Variants in KIF5C observed in about 807,000 individuals in gnomAD.
KIF5C encodes the protein kinesin family member 5C.
In KIF5C, 18 loss-of-function variants were observed where a neutral mutation model predicts 125.2. The observed-to-expected ratio is 0.14, with a 90% CI of 0.10 to 0.21. The LOEUF is 0.21. KIF5C is among the 10% of genes least tolerant of loss of function. The pLI is 1.00. For synonymous variants in KIF5C, 405 were observed against 434.0 expected (o/e 0.93, Z 0.83); for missense variants, 780 against 1,183.8 (o/e 0.66, Z 5.01).
chr2:148,998,962 T>A (rs1681766445), intron 19 of KIF5C: 1 of 155,326 alleles, frequency 6.4e-6, no homozygotes, highest in Non-Finnish European at 1.4e-5. Context: ...CCCCTACACA[T>A]ACACGCTCAC....
intron 1 of KIF5C, among the ~76,000 whole-genome samples, chr2:148,882,861 A>G (rs891362405): frequency 6.6e-6 from 1 of 152,174 alleles, no homozygotes; most frequent in African/African-American, 2.4e-5. Flanking sequence ...CTTTCCTCCA[A>G]TTAGGCTGAA....
At chr2:149,012,354 G>A (rs1255652025) in intron 25 of KIF5C, among the ~76,000 whole-genome samples, 15 of 152,346 alleles carry the variant, frequency 9.8e-5, no homozygotes, top group Admixed American at 3.9e-4. Context: ...CTAGTTGGGC[G>A]GGCAGACAGA....
chr2:148,875,368 G>A lies in KIF5C; in HGVS notation c.-250G>A, dbSNP rs912250135. The A allele has an allele frequency of 7.5e-6, 3 of 400,970 alleles. No individual in the cohort carries two copies. The highest frequency in any genetic ancestry group is 4.3e-5 in the East Asian group (1 of 23,514). 24.8% of individuals were successfully genotyped at this position (400,970 alleles called of 1,614,324 possible). On this transcript the variant is annotated 5_prime_UTR_variant, in exon 1 of 26. Coordinates refer to ENST00000435030, the MANE Select transcript of KIF5C (RefSeq NM_004522.3). ...GGTGGGCCGGGGGGCGCTGGGCAGG[G>A]GCGGGGCAGGGCCAGGGCAGGCCGG...
intron 7 of KIF5C, among the ~76,000 whole-genome samples, chr2:148,946,481 G>T (rs965029209): frequency 6.6e-6 from 1 of 152,126 alleles, no homozygotes; most frequent in African/African-American, 2.4e-5. Context: ...TTACTGATAA[G>T]GCAAGGCTTA....
chr2:148,916,139 C>T (rs928852676), intron 1 of KIF5C, among the ~76,000 whole-genome samples: 2 of 152,180 alleles, frequency 1.3e-5, no homozygotes, highest in Admixed American at 6.5e-5. Flanking sequence ...GGAGGTTAGA[C>T]TAGCTTACAT....
At chr2:148,885,005 C>CT (rs1681474677) in intron 1 of KIF5C, among the ~76,000 whole-genome samples, 1 of 142,696 alleles carries the variant, frequency 7.0e-6, no homozygotes, top group African/African-American at 2.6e-5. Flanking sequence ...GATTCTCACT[C>CT]TGTCTCCCAG....
intron 12 of KIF5C, among the ~76,000 whole-genome samples, chr2:148,976,027 C>T (rs963483590): frequency 1.4e-4 from 21 of 152,130 alleles, no homozygotes; most frequent in African/African-American, 3.6e-4. Flanking sequence ...AACAAGTTGG[C>T]GCTGGCACTC....
At chr2:148,978,320 T>A (rs1681132479) in intron 12 of KIF5C, among the ~76,000 whole-genome samples, 1 of 139,600 alleles carries the variant, frequency 7.2e-6, no homozygotes, top group Admixed American at 7.3e-5. Context: ...CTTCTGTCCC[T>A]CAGCTGCCCT....
At chr2:148,971,770 T>C (rs1680918992) in intron 11 of KIF5C, among the ~76,000 whole-genome samples, 1 of 152,208 alleles carries the variant, frequency 6.6e-6, no homozygotes, top group Admixed American at 6.5e-5. Context: ...TTTGTGGTTA[T>C]GCAGTGAGAT....
intron 15 of KIF5C, among the ~76,000 whole-genome samples, chr2:148,988,849 C>G (rs1455962905): frequency 6.6e-6 from 1 of 152,194 alleles, no homozygotes; most frequent in Non-Finnish European, 1.5e-5. Context: ...CAAGGACCTC[C>G]ATGAAGGTAG....
chr2:148,935,379 TA>T (rs1682271075), intron 3 of KIF5C, among the ~76,000 whole-genome samples: 1 of 152,214 alleles, frequency 6.6e-6, no homozygotes, highest in South Asian at 2.1e-4. Context: ...GCTAAAGGAT[TA>T]TCATGAATTA....
chr2:148,883,317 T>C (rs1454464384), intron 1 of KIF5C, among the ~76,000 whole-genome samples: 3 of 152,138 alleles, frequency 2.0e-5, no homozygotes, highest in Admixed American at 1.3e-4. Flanking sequence ...CTGGCTAACA[T>C]GGTGAAACCC....
intron 12 of KIF5C, among the ~76,000 whole-genome samples, chr2:148,976,998 C>A (rs1476931473): frequency 6.6e-6 from 1 of 152,180 alleles, no homozygotes; most frequent in East Asian, 1.9e-4. Flanking sequence ...CGTGCTTATG[C>A]ATGTTCTAAG....
At chr2:148,952,543 T>C (rs905611829) in intron 10 of KIF5C, among the ~76,000 whole-genome samples, 7 of 152,186 alleles carry the variant, frequency 4.6e-5, no homozygotes, top group South Asian at 2.1e-4. Context: ...ATACCATACC[T>C]GAGACCACAC....
Position 148,978,996 on chromosome 2 carries a change from G to T in KIF5C, c.1362+6G>T. 6.4e-7 allele frequency: 1 copy of T among 1,564,658 alleles called. No homozygotes were observed. The highest frequency in any genetic ancestry group is 1.2e-5 in the South Asian group (1 of 82,188). On this transcript the variant is annotated splice_donor_region_variant and intron_variant, in intron 13 of 25. Coordinates refer to ENST00000435030, the MANE Select transcript of KIF5C (RefSeq NM_004522.3). ...AGATGTTGGATCAGGATGAGGTAAA[G>T]AATGCAATATATTTTTTTTTCCACA...
chr2:148,887,692 TTTA>T (rs200624555), intron 1 of KIF5C, among the ~76,000 whole-genome samples: 1,869 of 151,952 alleles, frequency 0.012, 41 homozygotes, highest in African/African-American at 0.043. Context: ...TTTTTTTTTT[TTTA>T]AATTCAACTT....
At chr2:148,905,251 G>C (rs1465839997) in intron 1 of KIF5C, among the ~76,000 whole-genome samples, 1 of 152,186 alleles carries the variant, frequency 6.6e-6, no homozygotes. Context: ...AATTGTGATG[G>C]TGCCACCCAA....
intron 11 of KIF5C, among the ~76,000 whole-genome samples, chr2:148,970,104 G>C: frequency 6.6e-6 from 1 of 152,178 alleles, no homozygotes; most frequent in Non-Finnish European, 1.5e-5. Flanking sequence ...TAGGAGACAT[G>C]TTAATGCTTT....
chr2:148,929,218 C>T, intron 2 of KIF5C, 63 bp from the exon 3 acceptor site: 1 of 972,448 alleles, frequency 1.0e-6, no homozygotes, highest in Non-Finnish European at 1.5e-6. Context: ...TTAAAATATG[C>T]AACCTACACC....
Sources: gnomAD v4.1 joint callset for allele counts (sites outside exome capture counted in the v4.1 genomes callset) on GRCh38, gnomAD v4.1.1 for gene constraint, MANE v1.5 for transcripts, NCBI Gene and HGNC (gene_info 2026-07-23, HGNC 2026-07-21) for gene names.